Variants in MTA3 observed in about 807,000 individuals in gnomAD.
The protein encoded by MTA3 is metastasis-associated protein MTA3.
In MTA3, 34 loss-of-function variants were observed where a neutral mutation model predicts 83.5. The observed-to-expected ratio is 0.41, with a 90% confidence interval of 0.31 to 0.54. The LOEUF (loss-of-function observed/expected upper bound fraction) is 0.54, where lower values mean the gene tolerates loss of function less well. MTA3 is among the 20% of genes least tolerant of loss of function. The probability of loss-of-function intolerance (pLI) is 0.33; values close to 1 mark genes in which losing one functional copy is unlikely to be tolerated. For synonymous variants in MTA3, 303 were observed against 252.7 expected (o/e 1.20, Z -1.89); for missense variants, 761 against 726.4 (o/e 1.05, Z -0.55).
chr2:42,568,322 C>CT (rs1215521014), upstream of MTA3: 1 of 164,200 alleles, frequency 6.1e-6, no homozygotes, highest in Non-Finnish European at 1.3e-5. Context: ...AGCCCCCACT[C>CT]TAATTCTCTA....
At chr2:42,627,496 A>G (rs1285055447) in intron 4 of MTA3, among the ~76,000 whole-genome samples, 2 of 151,964 alleles carry the variant, frequency 1.3e-5, no homozygotes, top group Non-Finnish European at 2.9e-5. Context: ...GTCTTCCAAA[A>G]TTTTCTGAAA....
At chr2:42,725,787 G>C (rs1048276889) in intron 16 of MTA3, among the ~76,000 whole-genome samples, 5 of 152,202 alleles carry the variant, frequency 3.3e-5, no homozygotes, top group African/African-American at 1.2e-4. Flanking sequence ...CAGCACTGCA[G>C]AATCCTTCTA....
intron 2 of MTA3, among the ~76,000 whole-genome samples, chr2:42,516,073 C>G (rs1208766889): frequency 6.6e-6 from 1 of 151,784 alleles, no homozygotes; most frequent in African/African-American, 2.4e-5. Flanking sequence ...CGCCACCACG[C>G]CCAGCTGATT....
exon 1 of MTA3, chr2:42,494,688 C>T (rs984139750): frequency 3.9e-5 from 6 of 152,318 alleles, no homozygotes; most frequent in African/African-American, 1.4e-4. Flanking sequence ...TGGACCCTCT[C>T]GAGATGCTGC....
At chr2:42,660,661 G>C (rs1369847647) in intron 8 of MTA3, among the ~76,000 whole-genome samples, 1 of 152,108 alleles carries the variant, frequency 6.6e-6, no homozygotes, top group Non-Finnish European at 1.5e-5. Flanking sequence ...TTTTACACAC[G>C]AGAAAACTGA....
intron 11 of MTA3, 105 bp from the exon 12 acceptor site, chr2:42,704,089 G>C: frequency 7.8e-7 from 1 of 1,276,448 alleles, no homozygotes; most frequent in Non-Finnish European, 1.1e-6. Flanking sequence ...ATTTTAAAAT[G>C]TTTGTTTATG....
At chr2:42,582,524 A>T (rs1181427387) in intron 3 of MTA3, among the ~76,000 whole-genome samples, 1 of 152,166 alleles carries the variant, frequency 6.6e-6, no homozygotes, top group Admixed American at 6.6e-5. Context: ...GTGGTGGCTC[A>T]TGCTTGTAAT....
At chr2:42,659,945 C>G (rs1338509867) in intron 8 of MTA3, 83 bp downstream of exon 8, 1 of 1,082,388 alleles carries the variant, frequency 9.2e-7, no homozygotes, top group Non-Finnish European at 1.3e-6. Context: ...ATACTGTAGA[C>G]CGGGAGCTTT....
chr2:42,517,342 C>T (rs753487199), intron 2 of MTA3, among the ~76,000 whole-genome samples: 4 of 151,886 alleles, frequency 2.6e-5, no homozygotes, highest in Non-Finnish European at 5.9e-5. Flanking sequence ...GAGGCCGAGG[C>T]AGGTGCATCA....
chr2:42,712,169 A>G (rs1558610538), intron 14 of MTA3, among the ~76,000 whole-genome samples: 1 of 152,198 alleles, frequency 6.6e-6, no homozygotes, highest in African/African-American at 2.4e-5. Context: ...AATAGTAAAA[A>G]CAAAAAAGGT....
Position 42,695,737 on chromosome 2 carries a change from A to T in MTA3, c.892-28A>T, listed in dbSNP as rs368645034. ...CTCATTTTATTATATGTTAACATAG[A>T]TGATAGGTTGATTTTTTTTTTTTTC... On this transcript the variant is annotated intron_variant, in intron 9 of 16. Transcript: ENST00000405094. 5.4e-3 allele frequency: 7,352 copies of T among 1,354,214 alleles called. 39 individuals carry two copies. The highest frequency in any genetic ancestry group is 5.8e-3 in the Non-Finnish European group (5,726 of 992,256). The allele number at this position is 1,354,214 out of a possible 1,614,324, so 83.9% of individuals were successfully genotyped here.
At chr2:42,624,092 A>C (rs2104211972) in intron 4 of MTA3, among the ~76,000 whole-genome samples, 1 of 152,300 alleles carries the variant, frequency 6.6e-6, no homozygotes, top group African/African-American at 2.4e-5. Context: ...GGTGATATCT[A>C]ACGAGAAGTG....
chr2:42,734,173 A>G (rs1668443734), intron 16 of MTA3, among the ~76,000 whole-genome samples: 1 of 151,198 alleles, frequency 6.6e-6, no homozygotes, highest in Non-Finnish European at 1.5e-5. Flanking sequence ...CTCTCTCTGT[A>G]GTGCAAATAA....
At chr2:42,611,333 ACACACACC>A (rs1343812853) in intron 4 of MTA3, among the ~76,000 whole-genome samples, 3 of 151,486 alleles carry the variant, frequency 2.0e-5, no homozygotes, top group East Asian at 3.9e-4. Flanking sequence ...ACACACACAC[ACACACACC>A]CCCTCACACA....
At chr2:42,650,667 G>A (rs1030647268) in intron 6 of MTA3, among the ~76,000 whole-genome samples, 1 of 152,058 alleles carries the variant, frequency 6.6e-6, no homozygotes. Flanking sequence ...CTGACGTCGT[G>A]ATCTGCCCGC....
intron 11 of MTA3, chr2:42,703,844 C>T (rs1407056802): frequency 4.6e-5 from 8 of 173,640 alleles, no homozygotes; most frequent in Non-Finnish European, 8.6e-5. Flanking sequence ...GAGCCGAGAT[C>T]GCGCCACTGC....
At chr2:42,664,003 C>T (rs1689983768) in intron 8 of MTA3, among the ~76,000 whole-genome samples, 1 of 152,130 alleles carries the variant, frequency 6.6e-6, no homozygotes, top group Admixed American at 6.6e-5. Context: ...GTTTGTATAG[C>T]TGGTTTCAGA....
intron 12 of MTA3, among the ~76,000 whole-genome samples, chr2:42,707,090 T>C (rs1466427913): frequency 1.3e-5 from 2 of 151,736 alleles, no homozygotes; most frequent in Non-Finnish European, 2.9e-5. Context: ...TCAGTCTCTG[T>C]AGTCGCTGGG....
At chr2:42,573,415 A>G (rs2103843269) in intron 2 of MTA3, among the ~76,000 whole-genome samples, 1 of 152,050 alleles carries the variant, frequency 6.6e-6, no homozygotes, top group East Asian at 1.9e-4. Flanking sequence ...GTATGATGAT[A>G]GCTCACTGTA....
Sources: allele counts gnomAD v4.1 joint callset (sites outside exome capture counted in the v4.1 genomes callset), GRCh38; gene constraint gnomAD v4.1.1; transcripts MANE v1.5; gene names NCBI Gene and HGNC (gene_info 2026-07-23, HGNC 2026-07-21).